The following CACNA1D variants were observed in gnomAD, a reference collection of about 807,000 sequenced individuals.
CACNA1D encodes voltage-dependent L-type calcium channel subunit alpha-1D.
In CACNA1D, 55 loss-of-function variants were observed where a neutral mutation model predicts 257.1. The observed-to-expected ratio is 0.21, with a 90% confidence interval of 0.17 to 0.27. The LOEUF (loss-of-function observed/expected upper bound fraction) is 0.27. CACNA1D is among the 10% of genes least tolerant of loss of function. The pLI is 1.00. For synonymous variants in CACNA1D, 980 were observed against 1,014.9 expected, an observed-to-expected ratio of 0.97 and a Z score of 0.65; for missense variants, 1,876 against 2,784.0, an observed-to-expected ratio of 0.67 and a Z score of 7.34.
intron 9 of CACNA1D, among the ~76,000 whole-genome samples, chr3:53,715,892 C>A (rs985929047): frequency 6.6e-6 from 1 of 152,152 alleles, no homozygotes; most frequent in Non-Finnish European, 1.5e-5. Flanking sequence ...GTCTAGGGAG[C>A]AACTAGAACA....
intron 9 of CACNA1D, among the ~76,000 whole-genome samples, chr3:53,706,835 C>T (rs1306990467): frequency 6.6e-6 from 1 of 152,062 alleles, no homozygotes; most frequent in Non-Finnish European, 1.5e-5. Context: ...TCCATGTGTA[C>T]ACATTATTTA....
intron 8 of CACNA1D, among the ~76,000 whole-genome samples, chr3:53,686,093 T>G (rs1040797739): frequency 6.6e-6 from 1 of 151,966 alleles, no homozygotes; most frequent in Non-Finnish European, 1.5e-5. Context: ...GAGAATAAAC[T>G]TGGTAACTTA....
chr3:53,593,058 A>G (rs2093327405), intron 3 of CACNA1D, among the ~76,000 whole-genome samples: 1 of 152,184 alleles, frequency 6.6e-6, no homozygotes, highest in South Asian at 2.1e-4. Context: ...CAAAAGTTAC[A>G]ATAATTAACA....
At chr3:53,538,847 A>G (rs2092213437) in intron 3 of CACNA1D, among the ~76,000 whole-genome samples, 1 of 152,180 alleles carries the variant, frequency 6.6e-6, no homozygotes, top group Non-Finnish European at 1.5e-5. Context: ...ACAGCTTTTT[A>G]TAGTAAAAAC....
intron 29 of CACNA1D, among the ~76,000 whole-genome samples, chr3:53,760,431 C>T (rs1269682139): frequency 1.3e-5 from 2 of 152,112 alleles, no homozygotes; most frequent in African/African-American, 4.8e-5. Context: ...TAAATGTACC[C>T]CGTTGTAAAC....
intron 3 of CACNA1D, among the ~76,000 whole-genome samples, chr3:53,607,160 C>G (rs1380260250): frequency 6.6e-6 from 1 of 152,188 alleles, no homozygotes; most frequent in Non-Finnish European, 1.5e-5. Context: ...CACATATATG[C>G]TTTTATTACC....
chr3:53,692,874 A>G lies in CACNA1D; in HGVS notation c.1221-9767A>G, dbSNP rs141752087. On this transcript the variant is annotated intron_variant, in intron 8 of 47. Transcript: ENST00000350061. ...GAAGTTTGAGACTGCCCTGGCCAGC[A>G]TAGAGAAACCCTGTCTACTAAAAAT... Among the ~76,000 whole-genome samples the G allele has an allele frequency of 5.6e-3, 859 of 152,200 alleles. 7 individuals carry two copies. Among genetic ancestry groups the G allele is most frequent in the African/African-American group, 0.02 (813 of 41,492 alleles).
At position 53,751,958 on chromosome 3, in the gene CACNA1D, C is replaced by G. The variant is rs1051324382; in HGVS notation, c.3675+51C>G. On this transcript the variant is annotated intron_variant, in intron 28 of 47. Transcript: ENST00000350061. The surrounding 1 kb of genome is among the most constrained non-coding windows in gnomAD (Gnocchi z 4.3). ...TCAGGTCCGGGCATTCCGCACAGCC[C>G]CGTGCCCCAAATGCTGAGGGTGGAA... The G allele has an allele frequency of 1.3e-6, 2 of 1,573,076 alleles. No homozygotes were observed. Among genetic ancestry groups the G allele is most frequent in the African/African-American group, 2.7e-5 (2 of 74,048 alleles).
chr3:53,644,805 A>C (rs1003784876), intron 3 of CACNA1D, among the ~76,000 whole-genome samples: 2 of 152,216 alleles, frequency 1.3e-5, no homozygotes, highest in East Asian at 3.8e-4. Context: ...TTTCTTTGAC[A>C]TACTGATTTC....
In CACNA1D at chr3:53,751,408, C is replaced by T. The variant is rs2095224757; in HGVS notation, c.3517-341C>T. 6.6e-6 allele frequency among the ~76,000 whole-genome samples: 1 copy of T among 152,232 alleles called. No homozygotes were observed. The highest frequency in any genetic ancestry group is 6.5e-5 in the Admixed American group (1 of 15,292). On this transcript the variant is annotated intron_variant, in intron 27 of 47. Coordinates refer to ENST00000350061, the MANE Select transcript of CACNA1D (RefSeq NM_001128840.3). The surrounding 1 kb of genome is among the most constrained non-coding windows in gnomAD (Gnocchi z 4.3). The stretch of plus-strand genomic sequence containing the variant: ...GAAAGGCAGTGATAAGGCCTGGACC[C>T]AGTCCTCACTCCTGCTTGTGTATAC...
At chr3:53,796,648 T>G (rs1382062971) in intron 40 of CACNA1D, among the ~76,000 whole-genome samples, 4 of 151,994 alleles carry the variant, frequency 2.6e-5, no homozygotes, top group African/African-American at 4.8e-5. Context: ...GACATTTTAG[T>G]TTTTTTTGGT....
intron 3 of CACNA1D, among the ~76,000 whole-genome samples, chr3:53,531,047 G>A (rs1490633276): frequency 2.0e-5 from 3 of 148,208 alleles, no homozygotes; most frequent in Non-Finnish European, 4.5e-5. Flanking sequence ...GTAGAGGTGA[G>A]GGTCTCAGTA....
intron 8 of CACNA1D, among the ~76,000 whole-genome samples, chr3:53,700,918 C>T (rs367692681): frequency 4.7e-5 from 7 of 148,318 alleles, no homozygotes; most frequent in South Asian, 2.1e-4. Flanking sequence ...AGTCTTGCTC[C>T]GTTGCCCAGG....
At chr3:53,527,301 G>A (rs1217295332) in intron 3 of CACNA1D, among the ~76,000 whole-genome samples, 1 of 152,224 alleles carries the variant, frequency 6.6e-6, no homozygotes, top group Non-Finnish European at 1.5e-5. Context: ...GTGTGGATTT[G>A]CCTTTCTGAT....
chr3:53,515,961 A>G (rs1385773847), intron 3 of CACNA1D, among the ~76,000 whole-genome samples: 1 of 152,110 alleles, frequency 6.6e-6, no homozygotes, highest in Admixed American at 6.6e-5. Flanking sequence ...AGGAGAGTGG[A>G]GACTCTGGAG....
At chr3:53,553,888 A>T (rs1312018151) in intron 3 of CACNA1D, among the ~76,000 whole-genome samples, 1 of 151,120 alleles carries the variant, frequency 6.6e-6, no homozygotes, top group African/African-American at 2.4e-5. Flanking sequence ...TGTTACCTAG[A>T]GACTTGTGTT....
intron 8 of CACNA1D, among the ~76,000 whole-genome samples, chr3:53,700,995 G>A (rs2108580837): frequency 6.6e-6 from 1 of 151,862 alleles, no homozygotes; most frequent in East Asian, 1.9e-4. Context: ...TTCTAATTGT[G>A]GGCAGAGGGT....
intron 3 of CACNA1D, among the ~76,000 whole-genome samples, chr3:53,544,386 G>A (rs887220125): frequency 3.9e-5 from 6 of 152,166 alleles, no homozygotes; most frequent in African/African-American, 1.4e-4. Flanking sequence ...GTTGGGGGTA[G>A]GGACCGGCTG....
At position 53,811,142 on chromosome 3, in the gene CACNA1D, T is replaced by C. The variant is rs762580581; in HGVS notation, c.6222T>C (p.Tyr2074=). The change falls in exon 48 of 48, where the codon TAT becomes TAC. Residue 2074 remains tyrosine, a synonymous_variant. Transcript: ENST00000350061. This position sits in a 1 kb window ranked among gnomAD's most constrained non-coding sequence, Gnocchi z 4.2. ...AVLISEGLGR[Y]ARDPKFVSAT... ...TGATATCCGAAGGCTTGGGACGCTA[T>C]GCAAGGGACCCAAAATTTGTGTCAG... The C allele has an allele frequency of 1.8e-5, 29 of 1,613,984 alleles. No individual in the cohort carries two copies. The Middle Eastern group carries it at 6.6e-4, about 37-fold the overall frequency.
Sources: allele counts gnomAD v4.1 joint callset (sites outside exome capture counted in the v4.1 genomes callset), GRCh38; gene constraint gnomAD v4.1.1; non-coding constraint Gnocchi (gnomAD v3.1); transcripts MANE v1.5; gene names NCBI Gene and HGNC (gene_info 2026-07-23, HGNC 2026-07-21).